SENP1: variants seen among roughly 807,000 people sequenced by gnomAD.
The protein encoded by SENP1 is sentrin-specific protease 1.
Under a neutral mutation model 93.0 loss-of-function variants are expected in SENP1, and 21 were observed. The ratio of observed to expected loss-of-function variants is 0.23; its 90% confidence interval spans 0.16 to 0.33. SENP1 has a LOEUF of 0.33. SENP1 is among the 10% of genes least tolerant of loss of function. SENP1 has a pLI of 1.00. For synonymous variants in SENP1, 256 were observed against 259.6 expected, an observed-to-expected ratio of 0.99 and a Z score of 0.13; for missense variants, 591 against 758.7, an observed-to-expected ratio of 0.78 and a Z score of 2.60.
chr12:48,074,897 A>G (rs1047661382), intron 6 of SENP1, 104 bp from the exon 7 acceptor site: 4 of 728,076 alleles, frequency 5.5e-6, no homozygotes, highest in African/African-American at 5.4e-5. Context: ...AAGCTCAGGC[A>G]GAATCCTTAA....
At chr12:48,081,743 T>C (rs1210299042) in intron 6 of SENP1, among the ~76,000 whole-genome samples, 1 of 151,904 alleles carries the variant, frequency 6.6e-6, no homozygotes, top group African/African-American at 2.4e-5. Context: ...GCTAATTTTT[T>C]TTTGTAGAGA....
intron 6 of SENP1, among the ~76,000 whole-genome samples, chr12:48,075,824 G>C (rs1944028924): frequency 6.6e-6 from 1 of 151,970 alleles, no homozygotes; most frequent in South Asian, 2.1e-4. Flanking sequence ...GATGGAAGGA[G>C]AGCAGCAGGA....
chr12:48,083,867 A>T, intron 5 of SENP1, 105 bp from the exon 6 acceptor site: 1 of 738,202 alleles, frequency 1.4e-6, no homozygotes. Context: ...CAAACAAAAC[A>T]GGTAAAATAA....
intron 6 of SENP1, among the ~76,000 whole-genome samples, chr12:48,081,699 T>C (rs569326212): frequency 6.0e-5 from 9 of 151,208 alleles, no homozygotes; most frequent in African/African-American, 2.2e-4. Flanking sequence ...GCCTCCTGAG[T>C]AGGTGGAACT....
intron 5 of SENP1, among the ~76,000 whole-genome samples, chr12:48,086,445 A>T (rs981511313): frequency 6.6e-6 from 1 of 152,214 alleles, no homozygotes; most frequent in Non-Finnish European, 1.5e-5. Flanking sequence ...ATAACGCCAA[A>T]GTAACATTAT....
chr12:48,050,770 T>A (rs753643043), intron 13 of SENP1, among the ~76,000 whole-genome samples: 6 of 152,204 alleles, frequency 3.9e-5, no homozygotes, highest in Non-Finnish European at 5.9e-5. Context: ...GTAAACTATG[T>A]TCTCTAATGA....
intron 6 of SENP1, among the ~76,000 whole-genome samples, chr12:48,076,081 C>T (rs1292616382): frequency 6.6e-6 from 1 of 152,226 alleles, no homozygotes; most frequent in African/African-American, 2.4e-5. Context: ...TCTGGTAAAG[C>T]ATCAGTTCTA....
chr12:48,046,946 T>C (rs770137954), intron 16 of SENP1, 32 bp downstream of exon 16: 13 of 1,460,380 alleles, frequency 8.9e-6, no homozygotes, highest in Non-Finnish European at 1.2e-5. Context: ...ACCCTACTTT[T>C]AGGACTTTTA....
intron 9 of SENP1, among the ~76,000 whole-genome samples, chr12:48,069,152 C>CAAAAA (rs10564674): frequency 5.7e-3 from 437 of 76,324 alleles, no homozygotes; most frequent in Non-Finnish European, 7.2e-3. Context: ...GACTCTGTCA[C>CAAAAA]AAAAAAAAAA....
chr12:48,089,751 A>C (rs749160481), intron 4 of SENP1, among the ~76,000 whole-genome samples: 1 of 152,194 alleles, frequency 6.6e-6, no homozygotes, highest in African/African-American at 2.4e-5. Flanking sequence ...GCTCCCTCAA[A>C]ATAACTTCAG....
chr12:48,065,463 T>C, intron 11 of SENP1, 133 bp downstream of exon 11: 1 of 659,560 alleles, frequency 1.5e-6, no homozygotes, highest in Non-Finnish European at 2.6e-6. Context: ...ATTTACGACA[T>C]ATCATAACAT....
chr12:48,077,424 G>C (rs575563763), intron 6 of SENP1, among the ~76,000 whole-genome samples: 1 of 151,992 alleles, frequency 6.6e-6, no homozygotes, highest in South Asian at 2.1e-4. Flanking sequence ...TCCATTTTTA[G>C]TTGATTTTTG....
rs1941577737 is a variant in SENP1, at chr12:48,048,951, A to C, written c.1589T>G (p.Leu530Arg). 1 of 1,612,746 alleles carries C rather than the reference A, an allele frequency of 6.2e-7. No homozygotes were observed. Among genetic ancestry groups the C allele is most frequent in the South Asian group, 1.1e-5 (1 of 91,060 alleles). ...SVDILLVPIH[L>R]GVHWCLAVVD... ...CACAGCTAGACACCAGTGTACTCCC[A>C]GGTGAATGGGCACCAAAAGAATGTC... Residue 530 changes from leucine to arginine, a missense_variant, in exon 14 of 18, where the codon CTG (leucine) becomes CGG (arginine). Physicochemically the swap from Leu to Arg is moderately radical, Grantham distance 102. Around this residue, in one of 4 missense-constraint regions of SENP1, gnomAD observed 132 missense variants for 230.1 expected, o/e 0.57. Coordinates refer to ENST00000549518, the MANE Select transcript of SENP1 (RefSeq NM_001267594.2).
chr12:48,076,468 G>A (rs1312035316), intron 6 of SENP1, among the ~76,000 whole-genome samples: 1 of 151,918 alleles, frequency 6.6e-6, no homozygotes, highest in African/African-American at 2.4e-5. Flanking sequence ...GGGACTACAG[G>A]TGCACGCCAC....
chr12:48,084,423 A>AG (rs1178183592), intron 5 of SENP1, among the ~76,000 whole-genome samples: 1 of 147,578 alleles, frequency 6.8e-6, no homozygotes, highest in Non-Finnish European at 1.5e-5. Flanking sequence ...ACCCTGTCTT[A>AG]TATCTAAGGC....
At chr12:48,053,548 C>T (rs889500277) in intron 13 of SENP1, among the ~76,000 whole-genome samples, 3 of 151,510 alleles carry the variant, frequency 2.0e-5, no homozygotes, top group Non-Finnish European at 4.4e-5. Context: ...TCTGACTCTG[C>T]AATAAAAATC....
In SENP1 at chr12:48,043,116, A is replaced by G. The variant is rs1296573760; in HGVS notation, c.*2206T>C. 6.6e-6 allele frequency: 1 copy of G among 152,588 alleles called. No individual in the cohort carries two copies. Among genetic ancestry groups the G allele is most frequent in the Non-Finnish European group, 1.5e-5 (1 of 68,032 alleles). The allele number at this position is 152,588 out of a possible 1,614,324, so 9.5% of individuals were successfully genotyped here. A position where few individuals can be genotyped will look rare whatever the true frequency, so the allele number is the denominator to read the frequency against. On this transcript the variant is annotated 3_prime_UTR_variant, in exon 18 of 18. Coordinates refer to ENST00000549518, the MANE Select transcript of SENP1 (RefSeq NM_001267594.2). Reference sequence around the variant, plus strand: ...GTAAGTCTGTATTTGGACCAGGTCCAGGGTGGTAAGATGGTCTCAGGGTCA... The same window carrying G: ...GTAAGTCTGTATTTGGACCAGGTCCGGGGTGGTAAGATGGTCTCAGGGTCA...
chr12:48,062,078 A>T (rs1163751449), intron 13 of SENP1, among the ~76,000 whole-genome samples: 1 of 152,154 alleles, frequency 6.6e-6, no homozygotes, highest in East Asian at 1.9e-4. Context: ...ATATGTCCTG[A>T]TGAATGCTGT....
Position 48,087,049 on chromosome 12 carries a change from A to AAAAAC in SENP1, c.380+1747_380+1751dup, listed in dbSNP as rs541113962. 5.1e-3 allele frequency among the ~76,000 whole-genome samples: 771 copies of AAAAAC among 152,068 alleles called. 7 individuals carry two copies. Among genetic ancestry groups the AAAAAC allele is most frequent in the Middle Eastern group, 0.017 (5 of 294 alleles). ...GCAAGGCTCCGTCTCAACAAAACAAAAAAACAAAACAAAACAAAACAAAAC... is the reference window on the plus strand; with the variant it reads ...GCAAGGCTCCGTCTCAACAAAACAAAAAAACAAAACAAAACAAAACAAAACAAAAC... On this transcript the variant is annotated intron_variant, in intron 5 of 17. Coordinates refer to ENST00000549518, the MANE Select transcript of SENP1 (RefSeq NM_001267594.2).
Sources: gnomAD v4.1 joint callset for allele counts (sites outside exome capture counted in the v4.1 genomes callset) on GRCh38, gnomAD v4.1.1 for gene constraint, gnomAD v4.1.1 regional missense constraint, MANE v1.5 for transcripts, NCBI Gene and HGNC (gene_info 2026-07-23, HGNC 2026-07-21) for gene names.